The following PRTG variants were observed in gnomAD, a reference collection of about 807,000 sequenced individuals.
PRTG encodes the protein immunoglobulin superfamily, DCC subclass, member 5.
A neutral mutation model predicts 122.5 loss-of-function variants in PRTG; 67 were observed. That is an observed-to-expected ratio of 0.55 (90% CI 0.45 to 0.67). The LOEUF (loss-of-function observed/expected upper bound fraction) is 0.67, where lower values mean the gene tolerates loss of function less well. Among genes scored for constraint, PRTG ranks in the 30% least tolerant of loss-of-function variants. The pLI, the probability that PRTG is intolerant of heterozygous loss-of-function variation, is 0.00. For missense variants in PRTG, 1,435 were observed against 1,415.4 expected (o/e 1.01, Z -0.22); for synonymous variants, 554 against 501.1 (o/e 1.11, Z -1.41).
intron 2 of PRTG, among the ~76,000 whole-genome samples, chr15:55,732,991 C>G (rs559312428): frequency 6.6e-6 from 1 of 151,596 alleles, no homozygotes; most frequent in Non-Finnish European, 1.5e-5. Context: ...GCGGGCAGAC[C>G]ACGAGGTCAA....
chr15:55,701,674 C>T (rs2059664604), intron 2 of PRTG, among the ~76,000 whole-genome samples: 1 of 152,146 alleles, frequency 6.6e-6, no homozygotes, highest in Non-Finnish European at 1.5e-5. Flanking sequence ...AAACTGGAAA[C>T]AACCTAATTG....
rs59626091 is a variant in PRTG at position 55,649,791 on chromosome 15, C to CAATAAATA, written c.2042-8591_2042-8584dup. 1.8e-4 allele frequency among the ~76,000 whole-genome samples: 27 copies of CAATAAATA among 147,994 alleles called. No homozygotes were observed. In the East Asian group the frequency reaches 2.4e-3, roughly 13 times the overall value. ...TGGGAGACAGAGCGAGACTCAGTCTCAATAAATAAATAAATAAATAAATAA... is the reference window on the plus strand; with the variant it reads ...TGGGAGACAGAGCGAGACTCAGTCTCAATAAATAAATAAATAAATAAATAAATAAATAA... On this transcript the variant is annotated intron_variant, in intron 11 of 19. Transcript: ENST00000389286.
At chr15:55,691,644 G>A (rs1379554144) in intron 2 of PRTG, among the ~76,000 whole-genome samples, 3 of 148,552 alleles carry the variant, frequency 2.0e-5, no homozygotes, top group East Asian at 3.9e-4. Context: ...TCGTGCCACT[G>A]TATTCCAGCC....
rs2030471819 is a variant in PRTG at position 55,713,444 on chromosome 15, T to C, written c.397+26938A>G. ...GAGCATTCTTATATGCATCTGCTTA[T>C]GTGCATGGGCAAGAGTTTTCCTATG... On this transcript the variant is annotated intron_variant, in intron 2 of 19. Coordinates refer to ENST00000389286, the MANE Select transcript of PRTG (RefSeq NM_173814.6). Among the ~76,000 whole-genome samples the C allele has an allele frequency of 3.3e-5, 5 of 152,260 alleles. No individual in the cohort carries two copies. The South Asian group carries it at 1.0e-3, about 31-fold the overall frequency.
intron 15 of PRTG, 97 bp downstream of exon 15, chr15:55,637,073 T>A: frequency 9.2e-7 from 1 of 1,089,822 alleles, no homozygotes; most frequent in African/African-American, 1.6e-5. Flanking sequence ...TACATAAAAA[T>A]GTAAATTCAA....
At chr15:55,683,633 T>A (rs2059553823) in intron 3 of PRTG, among the ~76,000 whole-genome samples, 154 bp downstream of exon 3, 1 of 152,198 alleles carries the variant, frequency 6.6e-6, no homozygotes, top group South Asian at 2.1e-4. Context: ...AGACTGATGA[T>A]CTAATTCTTT....
intron 2 of PRTG, among the ~76,000 whole-genome samples, chr15:55,702,533 T>C (rs951650752): frequency 7.2e-5 from 11 of 152,216 alleles, no homozygotes; most frequent in Non-Finnish European, 1.2e-4. Context: ...AATGTGTACA[T>C]AGTAATAATC....
At chr15:55,692,887 C>T (rs577265576) in intron 2 of PRTG, among the ~76,000 whole-genome samples, 2 of 128,814 alleles carry the variant, frequency 1.6e-5, no homozygotes, top group Non-Finnish European at 1.6e-5. Context: ...GTTGCCCAGG[C>T]CGGAGTGCAG....
At chr15:55,649,029 G>A (rs758123378) in intron 11 of PRTG, among the ~76,000 whole-genome samples, 5 of 151,520 alleles carry the variant, frequency 3.3e-5, no homozygotes, top group African/African-American at 4.9e-5. Flanking sequence ...CCCAGGAGGC[G>A]GAGGTTGCAG....
intron 2 of PRTG, among the ~76,000 whole-genome samples, chr15:55,723,641 C>T (rs1024873806): frequency 4.0e-5 from 6 of 151,796 alleles, no homozygotes; most frequent in South Asian, 4.1e-4. Flanking sequence ...CATTTATAAT[C>T]GAACAGTTGA....
Position 55,627,130 on chromosome 15 carries a change from T to C in PRTG, c.2807-2A>G, listed in dbSNP as rs371568308. 4 of 1,575,036 alleles carry C rather than the reference T, an allele frequency of 2.5e-6. No homozygotes were observed. The highest frequency in any genetic ancestry group is 1.4e-5 in the African/African-American group (1 of 73,674). On this transcript the variant is annotated splice_acceptor_variant, in intron 16 of 19. Coordinates refer to ENST00000389286, the MANE Select transcript of PRTG (RefSeq NM_173814.6). LOFTEE classifies it high-confidence loss of function. Reference sequence around the variant, plus strand: ...CCAGATGGTAATATCCTGAATAAACTAGAAGGGAAAACACATTTACTCAGA... The same window carrying C: ...CCAGATGGTAATATCCTGAATAAACCAGAAGGGAAAACACATTTACTCAGA...
rs781394582 is a variant in PRTG at position 55,673,498 on chromosome 15, C to T, written c.1725G>A (p.Glu575=). 3.5e-5 allele frequency: 56 copies of T among 1,614,062 alleles called. No homozygotes were observed. Among genetic ancestry groups the T allele is most frequent in the Non-Finnish European group, 4.5e-5 (53 of 1,180,042 alleles). ...QVLELPGTTH[E]YLLEGLKPDS... The stretch of plus-strand genomic sequence containing the variant: ...CAGGTTTCAGGCCTTCCAAAAGGTA[C>T]TCATGCGTGGTCCCCGGGAGCTCCA... Residue 575 remains glutamate (E), a synonymous_variant, in exon 10 of 20, where the codon GAG becomes GAA. Transcript: ENST00000389286.
intron 17 of PRTG, among the ~76,000 whole-genome samples, chr15:55,625,217 T>C (rs1293719722): frequency 6.6e-6 from 1 of 152,192 alleles, no homozygotes; most frequent in Non-Finnish European, 1.5e-5. Context: ...GTTCACTGAA[T>C]GCAAGTTACT....
At chr15:55,740,235 C>T in intron 2 of PRTG, 147 bp downstream of exon 2, 5 of 668,572 alleles carry the variant, frequency 7.5e-6, no homozygotes, top group African/African-American at 1.8e-5. Flanking sequence ...TTTCAGATTT[C>T]TCTATATGCC....
At chr15:55,639,024 T>G (rs2059274458) in intron 13 of PRTG, among the ~76,000 whole-genome samples, 1 of 152,114 alleles carries the variant, frequency 6.6e-6, no homozygotes. Context: ...CAGGCTAGAG[T>G]GCAGTAGTGG....
intron 16 of PRTG, among the ~76,000 whole-genome samples, chr15:55,628,035 C>T (rs1446448870): frequency 2.0e-5 from 3 of 152,132 alleles, no homozygotes; most frequent in Admixed American, 2.0e-4. Flanking sequence ...CCTGATAACA[C>T]GGTGGCTACG....
At chr15:55,623,566 TA>T (rs980844298) in intron 18 of PRTG, among the ~76,000 whole-genome samples, 2 of 150,576 alleles carry the variant, frequency 1.3e-5, no homozygotes, top group African/African-American at 2.4e-5. Context: ...AACTCCATCT[TA>T]AAAAAAAAGT....
intron 11 of PRTG, among the ~76,000 whole-genome samples, chr15:55,646,512 C>T (rs922365752): frequency 4.6e-5 from 7 of 151,732 alleles, no homozygotes; most frequent in African/African-American, 9.7e-5. Flanking sequence ...TTAGTAGAGA[C>T]GGGGTTTCAC....
chr15:55,642,151 G>GCAGTCC (rs1567080192), intron 11 of PRTG, among the ~76,000 whole-genome samples: 17 of 137,726 alleles, frequency 1.2e-4, no homozygotes, highest in African/African-American at 4.3e-4. Flanking sequence ...TCCGCAGTCC[G>GCAGTCC]GCCTGGGCGA....
Sources: gnomAD v4.1 joint callset for allele counts (sites outside exome capture counted in the v4.1 genomes callset) on GRCh38, gnomAD v4.1.1 for gene constraint, MANE v1.5 for transcripts, NCBI Gene and HGNC (gene_info 2026-07-23, HGNC 2026-07-21) for gene names.